The following RHD variants were observed in gnomAD, a reference collection of about 807,000 sequenced individuals.
RHD encodes Rh blood group D antigen, also known as blood group Rh(D) polypeptide.
A neutral mutation model predicts 45.5 loss-of-function variants in RHD; 16 were observed. The observed-to-expected ratio is 0.35, with a 90% confidence interval of 0.24 to 0.53. RHD has a LOEUF of 0.53. Ranked by LOEUF, RHD falls within the 20% of genes least tolerant of loss-of-function variation. The probability of loss-of-function intolerance (pLI) is 0.92; values close to 1 mark genes in which losing one functional copy is unlikely to be tolerated. For missense variants in RHD, 306 were observed against 532.0 expected, an observed-to-expected ratio of 0.58 and a Z score of 4.18; for synonymous variants, 131 against 217.5, an observed-to-expected ratio of 0.60 and a Z score of 3.50.
intron 1 of RHD, among the ~76,000 whole-genome samples, chr1:25,279,494 A>G (rs1186237551): frequency 8.0e-6 from 1 of 124,452 alleles, no homozygotes; most frequent in Non-Finnish European, 1.9e-5. Flanking sequence ...CTAGGTAGGT[A>G]GGGTTTGAAT....
At chr1:25,283,196 G>T (rs2124616635) in intron 1 of RHD, among the ~76,000 whole-genome samples, 1 of 132,168 alleles carries the variant, frequency 7.6e-6, no homozygotes, top group Non-Finnish European at 1.8e-5. Flanking sequence ...AGATGGTGTG[G>T]TAGTCTAAGG....
Position 25,278,667 on chromosome 1 carries a change from T to C in RHD, c.149-5906T>C, listed in dbSNP as rs142530666. On this transcript the variant is annotated intron_variant, in intron 1 of 9. Transcript: ENST00000328664. Reference sequence around the variant, plus strand: ...CAAACTAGGAGACTATCCTGGGTCCTGTGCTGTGGATACCACTCAGTCCCC... The same window carrying C: ...CAAACTAGGAGACTATCCTGGGTCCCGTGCTGTGGATACCACTCAGTCCCC... 1.4e-4 allele frequency among the ~76,000 whole-genome samples: 19 copies of C among 131,976 alleles called. 3 individuals are homozygous for C. Among genetic ancestry groups the C allele is most frequent in the African/African-American group, 4.9e-4 (19 of 38,732 alleles). The allele number at this position is 131,976 out of a possible 152,430, so 86.6% of individuals were successfully genotyped here.
chr1:25,310,277 T>G lies in RHD; in HGVS notation c.1073+3548T>G, dbSNP rs1381529954. Among the ~76,000 whole-genome samples the G allele has an allele frequency of 3.0e-5, 4 of 133,084 alleles. 2 individuals carry two copies. Among genetic ancestry groups the G allele is most frequent in the Non-Finnish European group, 7.1e-5 (4 of 55,984 alleles). 87.3% of individuals were successfully genotyped at this position (133,084 alleles called of 152,430 possible). ...TTTTGGAGGAAGGGCCTTTGGGAAG[T>G]AATTAGGATTAGATAAGGTCATGGG... On this transcript the variant is annotated intron_variant, in intron 7 of 9. Transcript: ENST00000328664.
In RHD at chr1:25,322,493, C is replaced by T. The variant is rs548952521; in HGVS notation, c.1227+531C>T. On this transcript the variant is annotated intron_variant, in intron 9 of 9. Coordinates refer to ENST00000328664, the MANE Select transcript of RHD (RefSeq NM_016124.6). ...TTCGAGACCAGCCTGGCCAACGTGT[C>T]GAAACCCCATCTCTACTAAAAATAC... Among the ~76,000 whole-genome samples the T allele has an allele frequency of 4.2e-4, 56 of 132,206 alleles. 9 individuals are homozygous for T. Among genetic ancestry groups the T allele is most frequent in the Admixed American group, 2.9e-4 (4 of 13,672 alleles). The allele number at this position is 132,206 out of a possible 152,430, so 86.7% of individuals were successfully genotyped here. A position where few individuals can be genotyped will look rare whatever the true frequency, so the allele number is the denominator to read the frequency against.
At position 25,318,449 on chromosome 1, in the gene RHD, G is replaced by A. The variant is rs1249254177; in HGVS notation, c.1153+1370G>A. The stretch of plus-strand genomic sequence containing the variant: ...CCAGAAATACAAAAATTAGCCAGGC[G>A]TGGTGGCGTGTGCCTGTAGTCCCAG... On this transcript the variant is annotated intron_variant, in intron 8 of 9. Transcript: ENST00000328664. 6.1e-5 allele frequency among the ~76,000 whole-genome samples: 8 copies of A among 130,454 alleles called. 1 individual carries two copies. The highest frequency in any genetic ancestry group is 2.0e-4 in the East Asian group (1 of 5,102). 85.6% of individuals were successfully genotyped at this position (130,454 alleles called of 152,430 possible).
rs1384925160 is a variant in RHD at position 25,329,659 on chromosome 1, T to C, written c.*735T>C. ...TACCACTAGAGTCTTCAGATTTTTA[T>C]ACTTTTTTTTTTTGAAACGGAGTCT... On this transcript the variant is annotated 3_prime_UTR_variant, in exon 10 of 10. Coordinates refer to ENST00000328664, the MANE Select transcript of RHD (RefSeq NM_016124.6). The C allele has an allele frequency of 7.6e-6, 1 of 131,138 alleles. No homozygotes were observed. Among genetic ancestry groups the C allele is most frequent in the African/African-American group, 2.6e-5 (1 of 38,152 alleles). The allele number at this position is 131,138 out of a possible 1,614,324, so 8.1% of individuals were successfully genotyped here.
At position 25,274,077 on chromosome 1, in the gene RHD, A is replaced by G. The variant is rs1295576138; in HGVS notation, c.148+1382A>G. Among the ~76,000 whole-genome samples, 2 of 132,720 alleles carry G rather than the reference A, an allele frequency of 1.5e-5. 1 individual carries two copies. Among genetic ancestry groups the G allele is most frequent in the East Asian group, 3.9e-4 (2 of 5,152 alleles). The allele number at this position is 132,720 out of a possible 152,430, so 87.1% of individuals were successfully genotyped here. On this transcript the variant is annotated intron_variant, in intron 1 of 9. Coordinates refer to ENST00000328664, the MANE Select transcript of RHD (RefSeq NM_016124.6). ...TTCATTCAACCATGTATGACATCCAATGTGGGATCCAGACTCATGATGATT... is the reference window on the plus strand; with the variant it reads ...TTCATTCAACCATGTATGACATCCAGTGTGGGATCCAGACTCATGATGATT...
rs1641412026 is a variant in RHD at position 25,280,649 on chromosome 1, C to CT, written c.149-3924_149-3923insT. Reference sequence around the variant, plus strand: ...TTGTAAACAGGGTCTCCCTCTGTCACCCAGGCTGCTGGAGTGTAGTGGTGT... The same window carrying CT: ...TTGTAAACAGGGTCTCCCTCTGTCACTCCAGGCTGCTGGAGTGTAGTGGTGT... On this transcript the variant is annotated intron_variant, in intron 1 of 9. Coordinates refer to ENST00000328664, the MANE Select transcript of RHD (RefSeq NM_016124.6). Among the ~76,000 whole-genome samples, 4 of 118,802 alleles carry CT rather than the reference C, an allele frequency of 3.4e-5. 1 individual carries two copies. Among genetic ancestry groups the CT allele is most frequent in the Non-Finnish European group, 8.0e-5 (4 of 49,922 alleles). 77.9% of individuals were successfully genotyped at this position (118,802 alleles called of 152,430 possible).
intron 3 of RHD, among the ~76,000 whole-genome samples, chr1:25,291,475 T>G (rs1274972151): frequency 7.7e-6 from 1 of 129,522 alleles, no homozygotes; most frequent in Non-Finnish European, 1.8e-5. Flanking sequence ...ATCTCAAATT[T>G]AAAATAAAGA....
chr1:25,321,540 G>A (rs1230107239), intron 8 of RHD, among the ~76,000 whole-genome samples: 2 of 122,316 alleles, frequency 1.6e-5, no homozygotes, highest in Non-Finnish European at 3.8e-5. Flanking sequence ...TGTGGTGGCA[G>A]GCGCCTATAA....
At position 25,276,281 on chromosome 1, in the gene RHD, G is replaced by T. The variant is rs1241216767; in HGVS notation, c.148+3586G>T. On this transcript the variant is annotated intron_variant, in intron 1 of 9. Coordinates refer to ENST00000328664, the MANE Select transcript of RHD (RefSeq NM_016124.6). ...GGGTTTGCTTTTATGCCAGAAAAAAGAAAAAGTACAGAAGGATTATAGAAA... is the reference window on the plus strand; with the variant it reads ...GGGTTTGCTTTTATGCCAGAAAAAATAAAAAGTACAGAAGGATTATAGAAA... Among the ~76,000 whole-genome samples the T allele has an allele frequency of 2.3e-5, 3 of 129,630 alleles. 1 individual carries two copies. 85.0% of individuals were successfully genotyped at this position (129,630 alleles called of 152,430 possible). A position where few individuals can be genotyped will look rare whatever the true frequency, so the allele number is the denominator to read the frequency against.
At chr1:25,320,288 C>G (rs1013048693) in intron 8 of RHD, among the ~76,000 whole-genome samples, 5 of 131,966 alleles carry the variant, frequency 3.8e-5, no homozygotes, top group African/African-American at 1.3e-4. Flanking sequence ...ACACCTTTTC[C>G]ACGTTATATG....
At chr1:25,303,598 G>T in intron 6 of RHD, 139 bp downstream of exon 6, 1 of 943,004 alleles carries the variant, frequency 1.1e-6, no homozygotes, top group Non-Finnish European at 1.6e-6. Flanking sequence ...CGCCTAGTGA[G>T]GGATCCATCC....
intron 5 of RHD, among the ~76,000 whole-genome samples, chr1:25,302,660 T>G (rs557595853): frequency 1.5e-5 from 2 of 129,804 alleles, no homozygotes; most frequent in East Asian, 3.9e-4. Context: ...CCCAGCTTAT[T>G]GAAACTGGGC....
At position 25,280,570 on chromosome 1, in the gene RHD, T is replaced by A. The variant is rs1351379125; in HGVS notation, c.149-4003T>A. On this transcript the variant is annotated intron_variant, in intron 1 of 9. Transcript: ENST00000328664. Reference sequence around the variant, plus strand: ...ATCTGCCCACCTCAGCCTCCCAAAGTGCTAGGATTACAGACATAAGCCACT... The same window carrying A: ...ATCTGCCCACCTCAGCCTCCCAAAGAGCTAGGATTACAGACATAAGCCACT... 1.6e-5 allele frequency among the ~76,000 whole-genome samples: 2 copies of A among 125,578 alleles called. 1 individual carries two copies. The highest frequency in any genetic ancestry group is 5.4e-5 in the African/African-American group (2 of 37,162). 82.4% of individuals were successfully genotyped at this position (125,578 alleles called of 152,430 possible). A position where few individuals can be genotyped will look rare whatever the true frequency, so the allele number is the denominator to read the frequency against.
intron 7 of RHD, among the ~76,000 whole-genome samples, chr1:25,311,463 T>C (rs1166862469): frequency 7.7e-6 from 1 of 129,724 alleles, no homozygotes; most frequent in Admixed American, 7.5e-5. Context: ...AGGCAGAGCT[T>C]GCAGTGAGCC....
At chr1:25,274,137 G>C (rs962338720) in intron 1 of RHD, among the ~76,000 whole-genome samples, 3 of 132,348 alleles carry the variant, frequency 2.3e-5, no homozygotes, top group African/African-American at 7.7e-5. Flanking sequence ...CTATGTACCA[G>C]GCACTATTCT....
At position 25,282,671 on chromosome 1, in the gene RHD, T is replaced by TC. The variant is rs1557518468; in HGVS notation, c.149-1899dup. ...TGGGCACGATGGCTCATGCCTGTAATCCCAGCACTTTGGGAGACGGAGGTG... is the reference window on the plus strand; with the variant it reads ...TGGGCACGATGGCTCATGCCTGTAATCCCCAGCACTTTGGGAGACGGAGGTG... On this transcript the variant is annotated intron_variant, in intron 1 of 9. Transcript: ENST00000328664. 1.5e-5 allele frequency among the ~76,000 whole-genome samples: 2 copies of TC among 132,004 alleles called. 1 individual carries two copies. 86.6% of individuals were successfully genotyped at this position (132,004 alleles called of 152,430 possible). A position where few individuals can be genotyped will look rare whatever the true frequency, so the allele number is the denominator to read the frequency against.
intron 3 of RHD, among the ~76,000 whole-genome samples, chr1:25,296,811 T>G (rs573621732): frequency 8.0e-6 from 1 of 124,772 alleles, no homozygotes; most frequent in South Asian, 2.5e-4. Context: ...CCACCATGAT[T>G]GTAAGTTTCC....
Sources: allele counts gnomAD v4.1 joint callset (sites outside exome capture counted in the v4.1 genomes callset), GRCh38; gene constraint gnomAD v4.1.1; transcripts MANE v1.5; gene names NCBI Gene and HGNC (gene_info 2026-07-23, HGNC 2026-07-21).